Variants in LRRN1 observed in about 807,000 individuals in gnomAD.
LRRN1 encodes the protein leucine rich repeat neuronal 1, also known as leucine-rich repeat neuronal protein 1.
A neutral mutation model predicts 45.8 loss-of-function variants in LRRN1; 14 were observed. That is an observed-to-expected ratio of 0.31 (90% CI 0.20 to 0.48). The LOEUF is 0.48. LRRN1 is among the 20% of genes least tolerant of loss of function. The pLI, the probability that LRRN1 is intolerant of heterozygous loss-of-function variation, is 0.99. For missense variants in LRRN1, 789 were observed against 874.2 expected (o/e 0.90, Z 1.23); for synonymous variants, 359 against 330.1 (o/e 1.09, Z -0.95).
intron 1 of LRRN1, among the ~76,000 whole-genome samples, chr3:3,834,558 T>TAATA: frequency 8.4e-6 from 1 of 118,732 alleles, no homozygotes; most frequent in Non-Finnish European, 1.8e-5. Flanking sequence ...ATATATGATA[T>TAATA]ATATATTATT....
At chr3:3,822,152 C>A (rs557305659) in intron 1 of LRRN1, among the ~76,000 whole-genome samples, 3 of 152,252 alleles carry the variant, frequency 2.0e-5, no homozygotes, top group Admixed American at 1.3e-4. Flanking sequence ...TTCCATCACC[C>A]ATAAAAATAG....
chr3:3,814,022 A>C (rs1692936581), intron 1 of LRRN1, among the ~76,000 whole-genome samples: 1 of 151,866 alleles, frequency 6.6e-6, no homozygotes, highest in South Asian at 2.1e-4. Context: ...CTGTCTGCAC[A>C]TCTAGTCAAC....
intron 1 of LRRN1, among the ~76,000 whole-genome samples, chr3:3,844,091 TACAAATGTACACAGTCATATATG>T (rs1362523491): frequency 1.3e-5 from 2 of 152,140 alleles, no homozygotes; most frequent in Non-Finnish European, 2.9e-5. Flanking sequence ...TGTGTATACA[TACAAATGTACACAGTCATATATG>T]ACTAGTGGTA....
Position 3,845,166 on chromosome 3 carries a change from C to T in LRRN1, c.525C>T (p.Asn175=). Residue 175 remains asparagine, a synonymous_variant, in exon 2 of 2, where the codon AAC becomes AAT. Transcript: ENST00000319331. This position sits in a 1 kb window ranked among gnomAD's most constrained non-coding sequence, Gnocchi z 6.5. ...GLKNLLRLHL[N]SNKLKVIDSR... ...AAAATCTATTAAGGCTCCACCTGAACTCCAACAAATTGAAAGTTATTGATA... is the reference window on the plus strand; with the variant it reads ...AAAATCTATTAAGGCTCCACCTGAATTCCAACAAATTGAAAGTTATTGATA... The T allele has an allele frequency of 6.2e-7, 1 of 1,614,186 alleles. No individual in the cohort carries two copies. The highest frequency in any genetic ancestry group is 8.5e-7 in the Non-Finnish European group (1 of 1,180,024).
rs570397375 is a variant in LRRN1, at chr3:3,846,079, A to G, written c.1438A>G (p.Ser480Gly). 2 of 1,614,060 alleles carry G rather than the reference A, an allele frequency of 1.2e-6. No homozygotes were observed. Among genetic ancestry groups the G allele is most frequent in the African/African-American group, 1.3e-5 (1 of 74,934 alleles). Reference protein sequence around the residue: ...ETLSDKYKLSSEGTLEISNIQ... With the variant: ...ETLSDKYKLSGEGTLEISNIQ... ...CCTTTCAGATAAATACAAGCTAAGT[A>G]GCGAAGGTACCTTGGAAATATCTAA... The change falls in exon 2 of 2, where the codon AGC becomes GGC. Residue 480 changes from serine to glycine, a missense_variant. Physicochemically the swap from Ser to Gly is moderately conservative, Grantham distance 56. Coordinates refer to ENST00000319331, the MANE Select transcript of LRRN1 (RefSeq NM_020873.7). This position sits in a 1 kb window ranked among gnomAD's most constrained non-coding sequence, Gnocchi z 5.7.
intron 1 of LRRN1, among the ~76,000 whole-genome samples, chr3:3,812,159 A>G (rs895069791): frequency 6.6e-6 from 1 of 152,206 alleles, no homozygotes; most frequent in Non-Finnish European, 1.5e-5. Context: ...GTGGTGAGCA[A>G]AACAGATGAT....
chr3:3,802,134 T>C (rs1036575485), intron 1 of LRRN1, among the ~76,000 whole-genome samples: 4 of 152,130 alleles, frequency 2.6e-5, no homozygotes, highest in Non-Finnish European at 5.9e-5. Flanking sequence ...ACCCGAGTGG[T>C]TTTCAGGTCA....
chr3:3,844,200 G>A (rs17037524), intron 1 of LRRN1, among the ~76,000 whole-genome samples, 164 bp from the exon 2 acceptor site: 3,981 of 152,276 alleles, frequency 0.026, 194 homozygotes, highest in African/African-American at 0.092. Context: ...GATATAGTAA[G>A]AATGTCCTAC....
Position 3,846,601 on chromosome 3 carries a change from A to G in LRRN1, c.1960A>G (p.Lys654Glu). The G allele has an allele frequency of 6.2e-7, 1 of 1,614,108 alleles. No homozygotes were observed. Among genetic ancestry groups the G allele is most frequent in the Non-Finnish European group, 8.5e-7 (1 of 1,180,010 alleles). The stretch of plus-strand genomic sequence containing the variant: ...TGCGTCCATTGCTGTGTACTTTGCC[A>G]AAAGATTTAAGAGAAAAAACTACCA... ...SLASIAVYFA[K>E]RFKRKNYHHS... The change falls in exon 2 of 2, where the codon AAA becomes GAA. Residue 654 changes from lysine to glutamate, a missense_variant. Physicochemically the swap from Lys to Glu is moderately conservative, Grantham distance 56. Transcript: ENST00000319331. The surrounding 1 kb of genome is among the most constrained non-coding windows in gnomAD (Gnocchi z 5.7).
At position 3,846,495 on chromosome 3, in the gene LRRN1, C is replaced by G. The variant is rs1224014340; in HGVS notation, c.1854C>G (p.Ala618=). ...TAAATGTCACAACCAAAAATGCCGC[C>G]TTCGCAGTGGACATCTCTGATCAAG... is the stretch of plus-strand genomic sequence containing the variant. ...SCVNVTTKNA[A]FAVDISDQET... is the part of the protein sequence containing the mutation. Residue 618 remains alanine, a synonymous_variant, in exon 2 of 2, where the codon GCC becomes GCG. Coordinates refer to ENST00000319331, the MANE Select transcript of LRRN1 (RefSeq NM_020873.7). This position sits in a 1 kb window ranked among gnomAD's most constrained non-coding sequence, Gnocchi z 5.7. 1 of 1,614,144 alleles carries G rather than the reference C, an allele frequency of 6.2e-7. No homozygotes were observed. Among genetic ancestry groups the G allele is most frequent in the South Asian group, 1.1e-5 (1 of 91,076 alleles).
chr3:3,831,460 T>C (rs944912161), intron 1 of LRRN1, among the ~76,000 whole-genome samples: 2 of 152,242 alleles, frequency 1.3e-5, no homozygotes, highest in Non-Finnish European at 2.9e-5. Flanking sequence ...CATACTGTCA[T>C]CAACGTAATG....
chr3:3,848,078 T>C lies in LRRN1; in HGVS notation c.*1286T>C, dbSNP rs1434557546. Among the ~76,000 whole-genome samples the C allele has an allele frequency of 6.6e-6, 1 of 152,172 alleles. No individual in the cohort carries two copies. The highest frequency in any genetic ancestry group is 1.5e-5 in the Non-Finnish European group (1 of 68,016). ...GTAGTATCCACATTCTTCATCAAAG[T>C]ACAAAAACGTCTGTGGAGTGTCACA... is the stretch of plus-strand genomic sequence containing the variant. On this transcript the variant is annotated 3_prime_UTR_variant, in exon 2 of 2. Coordinates refer to ENST00000319331, the MANE Select transcript of LRRN1 (RefSeq NM_020873.7).
At position 3,849,766 on chromosome 3, in the gene LRRN1, T is replaced by G. The variant is rs1425617145; in HGVS notation, c.*2974T>G. On this transcript the variant is annotated 3_prime_UTR_variant, in exon 2 of 2. Coordinates refer to ENST00000319331, the MANE Select transcript of LRRN1 (RefSeq NM_020873.7). ...AAATGTAATGTTTGATTGTCAGTGT[T>G]TCTGATTTGGCAAAAAGGAATCATC... Among the ~76,000 whole-genome samples, 1 of 152,210 alleles carries G rather than the reference T, an allele frequency of 6.6e-6. No individual in the cohort carries two copies. Among genetic ancestry groups the G allele is most frequent in the African/African-American group, 2.4e-5 (1 of 41,458 alleles).
rs1575308280 is a variant in LRRN1, at chr3:3,848,506, A to G, written c.*1714A>G. ...AAGGAAGTTGGCAGAAAGAAAGTCC[A>G]GGTGATGTAGGTTGAGGTATTTCTT... On this transcript the variant is annotated 3_prime_UTR_variant, in exon 2 of 2. Coordinates refer to ENST00000319331, the MANE Select transcript of LRRN1 (RefSeq NM_020873.7). Among the ~76,000 whole-genome samples the G allele has an allele frequency of 1.3e-5, 2 of 152,200 alleles. No individual in the cohort carries two copies. Among genetic ancestry groups the G allele is most frequent in the South Asian group, 2.1e-4 (1 of 4,832 alleles).
chr3:3,817,771 CAA>C (rs902387464), intron 1 of LRRN1, among the ~76,000 whole-genome samples: 24 of 151,552 alleles, frequency 1.6e-4, no homozygotes, highest in African/African-American at 5.1e-4. Flanking sequence ...AAAAATATAA[CAA>C]AAGACAGCGC....
intron 1 of LRRN1, among the ~76,000 whole-genome samples, chr3:3,805,602 G>GAGCT (rs1270225272): frequency 6.6e-6 from 1 of 152,172 alleles, no homozygotes; most frequent in Non-Finnish European, 1.5e-5. Context: ...TCTGCCCCAA[G>GAGCT]AGCTAGAATT....
At chr3:3,820,727 A>G (rs546688770) in intron 1 of LRRN1, among the ~76,000 whole-genome samples, 1 of 152,312 alleles carries the variant, frequency 6.6e-6, no homozygotes, top group Non-Finnish European at 1.5e-5. Context: ...GTCTAAATAT[A>G]CTTTGTGATG....
At chr3:3,829,246 C>T (rs1300557303) in intron 1 of LRRN1, among the ~76,000 whole-genome samples, 1 of 152,144 alleles carries the variant, frequency 6.6e-6, no homozygotes, top group African/African-American at 2.4e-5. Context: ...TAACTCCCTT[C>T]TTAGCCTGTT....
chr3:3,820,052 T>G (rs1693071239), intron 1 of LRRN1, among the ~76,000 whole-genome samples: 1 of 151,726 alleles, frequency 6.6e-6, no homozygotes, highest in South Asian at 2.1e-4. Flanking sequence ...CCCATTCTCT[T>G]TTGTTGTTGT....
Sources: allele counts gnomAD v4.1 joint callset (sites outside exome capture counted in the v4.1 genomes callset), GRCh38; gene constraint gnomAD v4.1.1; non-coding constraint Gnocchi (gnomAD v3.1); transcripts MANE v1.5; gene names NCBI Gene and HGNC (gene_info 2026-07-23, HGNC 2026-07-21).